Variants in SPON1 observed in about 807,000 individuals in gnomAD.
SPON1 encodes the protein spondin-1.
Under a neutral mutation model 111.7 loss-of-function variants are expected in SPON1, and 52 were observed. That is an observed-to-expected ratio of 0.47 (90% CI 0.37 to 0.59). SPON1 has a LOEUF of 0.59. SPON1 is among the 20% of genes least tolerant of loss of function. The pLI is 0.00. For synonymous variants in SPON1, 410 were observed against 395.8 expected, an observed-to-expected ratio of 1.04 and a Z score of -0.43; for missense variants, 957 against 1,068.5, an observed-to-expected ratio of 0.90 and a Z score of 1.46.
intron 4 of SPON1, among the ~76,000 whole-genome samples, chr11:14,078,766 A>C (rs1429071596): frequency 4.6e-5 from 7 of 152,188 alleles, no homozygotes; most frequent in Non-Finnish European, 1.0e-4. Flanking sequence ...AATATATGGA[A>C]AGAAATCAGC....
In SPON1 at chr11:14,259,840, G is replaced by A; in HGVS notation, c.1831+139G>A. 1.1e-6 allele frequency: 1 copy of A among 937,056 alleles called. No individual in the cohort carries two copies. The highest frequency in any genetic ancestry group is 1.6e-6 in the Non-Finnish European group (1 of 629,626). 58.0% of individuals were successfully genotyped at this position (937,056 alleles called of 1,614,324 possible). On this transcript the variant is annotated intron_variant, in intron 13 of 15. Transcript: ENST00000576479. The surrounding 1 kb of genome is among the most constrained non-coding windows in gnomAD (Gnocchi z 5.0). ...CCATGGTCCTTGCTGGGCACTGCTGGGAGCCAGATGAGAGACATAGGTGTG... is the reference window on the plus strand; with the variant it reads ...CCATGGTCCTTGCTGGGCACTGCTGAGAGCCAGATGAGAGACATAGGTGTG...
chr11:14,191,617 C>T (rs1446302392), intron 6 of SPON1, among the ~76,000 whole-genome samples: 5 of 152,188 alleles, frequency 3.3e-5, no homozygotes, highest in Non-Finnish European at 5.9e-5. Flanking sequence ...CTGTTGCACA[C>T]AGTCCTGGGC....
chr11:14,003,927 A>AT (rs1437409458), intron 2 of SPON1, among the ~76,000 whole-genome samples: 1 of 151,566 alleles, frequency 6.6e-6, no homozygotes, highest in Admixed American at 6.6e-5. Context: ...ACATCTTCCT[A>AT]TTTTTTCCTT....
intron 2 of SPON1, among the ~76,000 whole-genome samples, chr11:13,995,924 T>C (rs951866921): frequency 6.6e-6 from 1 of 152,118 alleles, no homozygotes; most frequent in Non-Finnish European, 1.5e-5. Context: ...AAGAAAACAA[T>C]CATTTGCAGA....
At position 14,086,601 on chromosome 11, in the gene SPON1, A is replaced by C. The variant is rs530596171; in HGVS notation, c.676+6580A>C. ...ATGTTCATCAGGGATATTGACCTAAAATTTTCTTTTTTTGTTGTGTCTCTG... is the reference window on the plus strand; with the variant it reads ...ATGTTCATCAGGGATATTGACCTAACATTTTCTTTTTTTGTTGTGTCTCTG... On this transcript the variant is annotated intron_variant, in intron 5 of 15. Transcript: ENST00000576479. 2.6e-5 allele frequency among the ~76,000 whole-genome samples: 4 copies of C among 152,172 alleles called. No homozygotes were observed. In the East Asian group the frequency reaches 7.7e-4, roughly 29 times the overall value.
chr11:14,189,128 A>C (rs1286736588), intron 6 of SPON1, among the ~76,000 whole-genome samples: 3 of 152,206 alleles, frequency 2.0e-5, no homozygotes, highest in African/African-American at 7.2e-5. Context: ...ATGCACAAAG[A>C]GGTTCAATGC....
chr11:14,180,819 A>T (rs954123755), intron 6 of SPON1, among the ~76,000 whole-genome samples: 2 of 152,202 alleles, frequency 1.3e-5, no homozygotes, highest in Non-Finnish European at 2.9e-5. Flanking sequence ...GAAAGGACAC[A>T]TCTTGATTTT....
chr11:14,136,606 A>C (rs1847594931), intron 6 of SPON1, among the ~76,000 whole-genome samples: 1 of 152,120 alleles, frequency 6.6e-6, no homozygotes, highest in African/African-American at 2.4e-5. Context: ...ACAGACCCTA[A>C]ATTGGAGGCA....
chr11:14,023,040 T>C (rs1554914916), intron 2 of SPON1, among the ~76,000 whole-genome samples: 1 of 152,088 alleles, frequency 6.6e-6, no homozygotes, highest in African/African-American at 2.4e-5. Flanking sequence ...AAGGGAACCA[T>C]CCAAGGCTCT....
chr11:13,973,271 G>C (rs1452819629), intron 1 of SPON1, among the ~76,000 whole-genome samples: 1 of 152,218 alleles, frequency 6.6e-6, no homozygotes, highest in Admixed American at 6.5e-5. Context: ...CTGGATCACA[G>C]TCACTTTTGT....
chr11:14,174,580 C>T (rs1200888390), intron 6 of SPON1, among the ~76,000 whole-genome samples: 2 of 151,666 alleles, frequency 1.3e-5, no homozygotes, highest in Non-Finnish European at 2.9e-5. Flanking sequence ...TGTGGCACCT[C>T]CTCTGTTTTC....
intron 6 of SPON1, among the ~76,000 whole-genome samples, chr11:14,137,734 C>T (rs1425011600): frequency 6.6e-6 from 1 of 152,132 alleles, no homozygotes; most frequent in Non-Finnish European, 1.5e-5. Flanking sequence ...AGCATGGGGT[C>T]CTGTGAGCCT....
intron 5 of SPON1, among the ~76,000 whole-genome samples, chr11:14,126,644 A>G (rs1302629060): frequency 2.6e-5 from 4 of 152,206 alleles, no homozygotes; most frequent in African/African-American, 9.6e-5. Context: ...ATGCAAAATC[A>G]AAAAGCCATG....
At chr11:14,206,537 T>A (rs1382795301) in intron 6 of SPON1, among the ~76,000 whole-genome samples, 1 of 152,216 alleles carries the variant, frequency 6.6e-6, no homozygotes, top group African/African-American at 2.4e-5. Flanking sequence ...AACTTTTTAT[T>A]TTTTTGCTCT....
At chr11:14,025,929 C>T (rs1848514663) in intron 2 of SPON1, among the ~76,000 whole-genome samples, 1 of 152,190 alleles carries the variant, frequency 6.6e-6, no homozygotes, top group South Asian at 2.1e-4. Context: ...TTCTTTCCAG[C>T]CCCACTCCCT....
intron 2 of SPON1, among the ~76,000 whole-genome samples, chr11:14,009,384 G>A (rs1434677236): frequency 6.6e-6 from 1 of 152,120 alleles, no homozygotes; most frequent in African/African-American, 2.4e-5. Context: ...CAGGGTATGT[G>A]TAGAGAAATG....
At chr11:13,981,807 A>G (rs1848146851) in intron 1 of SPON1, among the ~76,000 whole-genome samples, 1 of 152,074 alleles carries the variant, frequency 6.6e-6, no homozygotes, top group Admixed American at 6.6e-5. Flanking sequence ...GTTGTTTAAA[A>G]TCCCCAGTTT....
intron 3 of SPON1, among the ~76,000 whole-genome samples, chr11:14,063,383 G>C (rs1204376921): frequency 1.3e-5 from 2 of 152,090 alleles, no homozygotes; most frequent in East Asian, 3.9e-4. Flanking sequence ...GAAAACTAGA[G>C]TTCTTGGTTT....
intron 6 of SPON1, among the ~76,000 whole-genome samples, chr11:14,211,159 G>A (rs1289826815): frequency 6.6e-6 from 1 of 152,134 alleles, no homozygotes; most frequent in Non-Finnish European, 1.5e-5. Flanking sequence ...GAAATAAAGG[G>A]TATTCAACTA....
Sources: allele counts gnomAD v4.1 joint callset (sites outside exome capture counted in the v4.1 genomes callset), GRCh38; gene constraint gnomAD v4.1.1; non-coding constraint Gnocchi (gnomAD v3.1); transcripts MANE v1.5; gene names NCBI Gene and HGNC (gene_info 2026-07-23, HGNC 2026-07-21).